Variants in PROM1 observed in about 807,000 individuals in gnomAD.
PROM1 encodes prominin-1.
Under a neutral mutation model 116.9 loss-of-function variants are expected in PROM1, and 105 were observed. The ratio of observed to expected loss-of-function variants is 0.90; its 90% CI spans 0.77 to 1.06. The LOEUF is 1.06. Among genes scored for constraint, PROM1 ranks in the 50% least tolerant of loss-of-function variants. PROM1 has a pLI of 0.00. For synonymous variants in PROM1, 393 were observed against 387.0 expected (o/e 1.02, Z -0.18); for missense variants, 1,122 against 1,045.2 (o/e 1.07, Z -1.01).
rs2013854 is a variant in PROM1 at position 16,023,262 on chromosome 4, A to G, written c.784+64T>C. 0.78 allele frequency: 1,076,611 copies of G among 1,380,372 alleles called. 421,427 individuals carry two copies. Among genetic ancestry groups the G allele is most frequent in the Middle Eastern group, 0.83 (4,666 of 5,620 alleles). The allele number at this position is 1,380,372 out of a possible 1,614,324, so 85.5% of individuals were successfully genotyped here. A position where few individuals can be genotyped will look rare whatever the true frequency, so the allele number is the denominator to read the frequency against. ...CTCAGGGAACAAGAAAAGAGTGAGC[A>G]AGCCTGCCAAGCCCAGGGACTCCTG... is the stretch of plus-strand genomic sequence containing the variant. On this transcript the variant is annotated intron_variant, in intron 8 of 27. Coordinates refer to ENST00000447510, the MANE Select transcript of PROM1 (RefSeq NM_006017.3).
chr4:15,987,584 C>T (rs1417922800), intron 20 of PROM1, 79 bp downstream of exon 20: 6 of 1,429,980 alleles, frequency 4.2e-6, no homozygotes, highest in Non-Finnish European at 4.8e-6. Flanking sequence ...AAAGTACCTA[C>T]AAAAATCCAC....
rs1346289528 is a variant in PROM1 at position 16,006,655 on chromosome 4, G to T, written c.1337C>A (p.Thr446Asn). 2 of 1,613,080 alleles carry T rather than the reference G, an allele frequency of 1.2e-6. No homozygotes were observed. The highest frequency in any genetic ancestry group is 2.2e-5 in the East Asian group (1 of 44,836). Residue 446 changes from threonine (T) to asparagine (N), a missense_variant, in exon 13 of 28, where the codon ACC becomes AAC. Coordinates refer to ENST00000447510, the MANE Select transcript of PROM1 (RefSeq NM_006017.3). ...CAGGTAGTAAAAAATCACGATGAGG[G>T]TCAGCAGAGAGCAGATGACCAGGCC... is the stretch of plus-strand genomic sequence containing the variant. Reference protein sequence around the residue: ...LGGLVICSLLTLIVIFYYLGL... With the variant: ...LGGLVICSLLNLIVIFYYLGL...
intron 8 of PROM1, among the ~76,000 whole-genome samples, chr4:16,019,711 A>C (rs961677509): frequency 1.3e-5 from 2 of 152,176 alleles, no homozygotes; most frequent in African/African-American, 4.8e-5. Flanking sequence ...TAAGCAAATA[A>C]ATCTTCTTGG....
chr4:16,062,618 T>C (rs1236402022), intron 2 of PROM1, among the ~76,000 whole-genome samples: 2 of 152,234 alleles, frequency 1.3e-5, no homozygotes, highest in African/African-American at 4.8e-5. Flanking sequence ...TTAAGTGTTT[T>C]AGTTTTTGCT....
At chr4:16,081,083 C>CT (rs1182336668) in intron 1 of PROM1, among the ~76,000 whole-genome samples, 6 of 151,080 alleles carry the variant, frequency 4.0e-5, no homozygotes, top group Non-Finnish European at 7.4e-5. Flanking sequence ...TTTTATTATA[C>CT]TTTAAGTTCT....
At chr4:16,061,983 C>T (rs959588746) in intron 2 of PROM1, among the ~76,000 whole-genome samples, 1 of 151,530 alleles carries the variant, frequency 6.6e-6, no homozygotes, top group East Asian at 1.9e-4. Flanking sequence ...GCTCCGCCTC[C>T]CGGGTTCACA....
At chr4:16,036,643 T>C (rs183364930) in intron 3 of PROM1, among the ~76,000 whole-genome samples, 3 of 152,260 alleles carry the variant, frequency 2.0e-5, no homozygotes, top group East Asian at 3.9e-4. Flanking sequence ...CTACAGCACA[T>C]GAGTCAGAAG....
intron 3 of PROM1, chr4:16,038,048 C>G (rs1242528256): frequency 6.6e-6 from 1 of 152,216 alleles, no homozygotes; most frequent in Non-Finnish European, 1.5e-5. Context: ...TGTTCTGAAG[C>G]CTGGAATGTG....
intron 11 of PROM1, among the ~76,000 whole-genome samples, chr4:16,010,284 G>A (rs542197580): frequency 6.6e-6 from 1 of 152,118 alleles, no homozygotes; most frequent in African/African-American, 2.4e-5. Context: ...CATGAGTTCT[G>A]AAGGTGGCTG....
intron 5 of PROM1, 61 bp from the exon 6 acceptor site, chr4:16,025,373 A>AG: frequency 6.3e-7 from 1 of 1,592,690 alleles, no homozygotes; most frequent in Non-Finnish European, 8.6e-7. Context: ...TTCTTTGTCC[A>AG]GGTCCAGGCA....
rs1274854361 is a variant in PROM1, at chr4:16,030,543, G to A, written c.509+2761C>T. Among the ~76,000 whole-genome samples, 6 of 152,016 alleles carry A rather than the reference G, an allele frequency of 3.9e-5. No individual in the cohort carries two copies. The East Asian group carries it at 1.2e-3, about 29-fold the overall frequency. Reference sequence around the variant, plus strand: ...AGAAAAAACATATATTGATTTGATAGGTCTGAGTTCTCAAGAATTAACAAA... The same window carrying A: ...AGAAAAAACATATATTGATTTGATAAGTCTGAGTTCTCAAGAATTAACAAA... On this transcript the variant is annotated intron_variant, in intron 5 of 27. Coordinates refer to ENST00000447510, the MANE Select transcript of PROM1 (RefSeq NM_006017.3).
intron 26 of PROM1, among the ~76,000 whole-genome samples, chr4:15,978,241 G>T (rs1335752223): frequency 1.3e-5 from 2 of 152,182 alleles, no homozygotes; most frequent in African/African-American, 2.4e-5. Context: ...CATTATAGCA[G>T]CTGGAATGCA....
At chr4:16,049,851 T>C (rs2149464266) in intron 2 of PROM1, among the ~76,000 whole-genome samples, 1 of 152,312 alleles carries the variant, frequency 6.6e-6, no homozygotes, top group East Asian at 1.9e-4. Flanking sequence ...CATTGTCTCA[T>C]TCCTTCTTAA....
chr4:16,076,316 C>T (rs1743944359), intron 1 of PROM1, 198 bp from the exon 2 acceptor site: 1 of 180,506 alleles, frequency 5.5e-6, no homozygotes, highest in East Asian at 1.4e-4. Context: ...CACAGAAGGT[C>T]CCTTCTCAGG....
intron 4 of PROM1, among the ~76,000 whole-genome samples, chr4:16,034,158 C>T (rs535058979): frequency 1.6e-3 from 239 of 152,206 alleles, no homozygotes; most frequent in African/African-American, 5.6e-3. Flanking sequence ...ATATAAGGCG[C>T]TTTGCACACT....
chr4:15,980,883 G>A (rs941593624), intron 23 of PROM1, among the ~76,000 whole-genome samples: 2 of 152,016 alleles, frequency 1.3e-5, no homozygotes, highest in South Asian at 2.1e-4. Context: ...TTTGTTGCCC[G>A]ACCATCCAGT....
Position 16,075,998 on chromosome 4 carries a change from G to A in PROM1, c.-92C>T. On this transcript the variant is annotated 5_prime_UTR_variant, in exon 2 of 28. Coordinates refer to ENST00000447510, the MANE Select transcript of PROM1 (RefSeq NM_006017.3). ...TTGGGGAAGGCAAGCGTGTTCCTGGGCAGAAGAGGAGCAGGAAGCACTGGA... is the reference window on the plus strand; with the variant it reads ...TTGGGGAAGGCAAGCGTGTTCCTGGACAGAAGAGGAGCAGGAAGCACTGGA... 2.0e-6 allele frequency: 3 copies of A among 1,464,270 alleles called. No individual in the cohort carries two copies. The highest frequency in any genetic ancestry group is 2.7e-6 in the Non-Finnish European group (3 of 1,106,578). 90.7% of individuals were successfully genotyped at this position (1,464,270 alleles called of 1,614,324 possible). A position where few individuals can be genotyped will look rare whatever the true frequency, so the allele number is the denominator to read the frequency against.
chr4:16,065,777 T>C (rs149203776), intron 2 of PROM1, among the ~76,000 whole-genome samples: 7 of 152,310 alleles, frequency 4.6e-5, no homozygotes, highest in East Asian at 1.9e-4. Context: ...AATAAGAATA[T>C]AGCAGGAGTA....
At chr4:16,066,890 C>T (rs979700649) in intron 2 of PROM1, among the ~76,000 whole-genome samples, 6 of 152,290 alleles carry the variant, frequency 3.9e-5, no homozygotes, top group Admixed American at 3.9e-4. Flanking sequence ...CCAGATATTT[C>T]CCAGCTGTGC....
Sources: allele counts gnomAD v4.1 joint callset (sites outside exome capture counted in the v4.1 genomes callset), GRCh38; gene constraint gnomAD v4.1.1; transcripts MANE v1.5; gene names NCBI Gene and HGNC (gene_info 2026-07-23, HGNC 2026-07-21).